Variants in DACH1 observed in about 807,000 individuals in gnomAD.
DACH1 encodes the protein dachshund homolog 1.
In DACH1, 12 loss-of-function variants were observed where a neutral mutation model predicts 54.2. The observed-to-expected ratio is 0.22, with a 90% CI of 0.14 to 0.36. The LOEUF (loss-of-function observed/expected upper bound fraction) is 0.36. Among genes scored for constraint, DACH1 ranks in the 10% least tolerant of loss-of-function variants. The pLI, the probability that DACH1 is intolerant of heterozygous loss-of-function variation, is 1.00. For missense variants in DACH1, 805 were observed against 929.8 expected, an observed-to-expected ratio of 0.87 and a Z score of 1.75; for synonymous variants, 386 against 366.2, an observed-to-expected ratio of 1.05 and a Z score of -0.62.
rs919370072 is a variant in DACH1, at chr13:71,748,934, T to C, written c.849-67024A>G. On this transcript the variant is annotated intron_variant, in intron 1 of 10. Transcript: ENST00000613252. ...TTTCTTTCTTTCTTTCTTTCTTTCT[T>C]TCTTTCTTTCTTTCTTTCTCTCTTT... 1.7e-3 allele frequency among the ~76,000 whole-genome samples: 78 copies of C among 47,030 alleles called. 1 individual carries two copies. Among genetic ancestry groups the C allele is most frequent in the African/African-American group, 3.5e-3 (73 of 20,662 alleles). The allele number at this position is 47,030 out of a possible 152,430, so 30.9% of individuals were successfully genotyped here.
At chr13:71,603,548 C>T (rs1286496882) in intron 3 of DACH1, among the ~76,000 whole-genome samples, 7 of 151,908 alleles carry the variant, frequency 4.6e-5, no homozygotes, top group African/African-American at 1.7e-4. Flanking sequence ...CACCTCTCTG[C>T]AGAGTTGTGA....
At chr13:71,452,440 T>A (rs892291244) in intron 10 of DACH1, among the ~76,000 whole-genome samples, 1 of 152,190 alleles carries the variant, frequency 6.6e-6, no homozygotes. Context: ...AATTCTTTTT[T>A]CAAACACAAA....
At chr13:71,728,348 C>T (rs1883573319) in intron 1 of DACH1, among the ~76,000 whole-genome samples, 1 of 151,926 alleles carries the variant, frequency 6.6e-6, no homozygotes, top group South Asian at 2.1e-4. Context: ...CAAATTAAAA[C>T]CTTAACATCT....
At chr13:71,837,543 C>G (rs954561459) in intron 1 of DACH1, among the ~76,000 whole-genome samples, 1 of 152,012 alleles carries the variant, frequency 6.6e-6, no homozygotes, top group African/African-American at 2.4e-5. Flanking sequence ...TTGGTAAACC[C>G]TGAAAATTAA....
At chr13:71,738,981 G>A (rs1416363276) in intron 1 of DACH1, among the ~76,000 whole-genome samples, 3 of 151,918 alleles carry the variant, frequency 2.0e-5, no homozygotes, top group African/African-American at 4.8e-5. Context: ...AGCCAGGCAC[G>A]GTGGCTTACT....
intron 7 of DACH1, among the ~76,000 whole-genome samples, chr13:71,482,130 T>A (rs1480380592): frequency 7.2e-5 from 11 of 152,202 alleles, no homozygotes; most frequent in Non-Finnish European, 1.6e-4. Flanking sequence ...GACCCCAAAT[T>A]TTTTTTCTGA....
intron 1 of DACH1, among the ~76,000 whole-genome samples, chr13:71,783,289 T>C (rs538326618): frequency 6.6e-6 from 1 of 152,298 alleles, no homozygotes; most frequent in East Asian, 1.9e-4. Flanking sequence ...GAAAACTGGC[T>C]AATCACTATC....
intron 1 of DACH1, among the ~76,000 whole-genome samples, chr13:71,717,436 T>C (rs1008660855): frequency 1.3e-5 from 2 of 151,790 alleles, no homozygotes; most frequent in Non-Finnish European, 2.9e-5. Context: ...TAGCAGTTCA[T>C]GCCTCATTGA....
intron 1 of DACH1, among the ~76,000 whole-genome samples, chr13:71,699,988 C>A (rs575302256): frequency 6.6e-6 from 1 of 152,130 alleles, no homozygotes; most frequent in Admixed American, 6.5e-5. Flanking sequence ...GTTAATTACA[C>A]GTTTTAATTT....
At chr13:71,748,900 C>T (rs71451475) in intron 1 of DACH1, among the ~76,000 whole-genome samples, 339 of 21,952 alleles carry the variant, frequency 0.015, no homozygotes, top group Middle Eastern at 0.033. Flanking sequence ...CTTTCTTTCT[C>T]TTTCTTTCTT....
intron 1 of DACH1, among the ~76,000 whole-genome samples, chr13:71,828,095 C>T (rs964907160): frequency 5.9e-5 from 9 of 151,944 alleles, no homozygotes; most frequent in African/African-American, 2.2e-4. Context: ...AATTGATTGC[C>T]TTTAATGCTA....
At chr13:71,779,159 GTATATACGTA>G (rs1321008779) in intron 1 of DACH1, among the ~76,000 whole-genome samples, 3 of 72,010 alleles carry the variant, frequency 4.2e-5, no homozygotes, top group East Asian at 4.3e-4. Flanking sequence ...ACATATATAC[GTATATACGTA>G]TATATATACA....
At chr13:71,816,618 ACG>A (rs1491534453) in intron 1 of DACH1, among the ~76,000 whole-genome samples, 7 of 89,194 alleles carry the variant, frequency 7.8e-5, no homozygotes, top group South Asian at 1.0e-3. Context: ...ATATATATAC[ACG>A]TGTATATATA....
At chr13:71,643,466 C>A (rs1408343132) in intron 2 of DACH1, among the ~76,000 whole-genome samples, 4 of 152,186 alleles carry the variant, frequency 2.6e-5, no homozygotes, top group Admixed American at 6.6e-5. Flanking sequence ...CTTTAAACAG[C>A]ATTCATCTTT....
intron 1 of DACH1, among the ~76,000 whole-genome samples, chr13:71,849,015 C>A (rs761808116): frequency 3.3e-5 from 5 of 152,116 alleles, no homozygotes; most frequent in East Asian, 1.9e-4. Context: ...CTTCTTATGA[C>A]CCTACGGTGT....
At chr13:71,667,996 C>T (rs1879957408) in intron 2 of DACH1, among the ~76,000 whole-genome samples, 1 of 151,956 alleles carries the variant, frequency 6.6e-6, no homozygotes, top group Non-Finnish European at 1.5e-5. Flanking sequence ...AGGGCATTTA[C>T]TGCTTTAATA....
intron 10 of DACH1, among the ~76,000 whole-genome samples, chr13:71,442,138 A>G (rs538759082): frequency 5.3e-5 from 8 of 151,928 alleles, no homozygotes; most frequent in Non-Finnish European, 1.0e-4. Flanking sequence ...TTATTCATTC[A>G]TCCTATTTTT....
chr13:71,624,976 G>GA (rs893888154), intron 3 of DACH1, among the ~76,000 whole-genome samples: 1 of 151,720 alleles, frequency 6.6e-6, no homozygotes, highest in African/African-American at 2.4e-5. Context: ...CCCCCTCCCT[G>GA]AAAAAATTGC....
At chr13:71,681,537 T>A (rs1880893544) in intron 2 of DACH1, among the ~76,000 whole-genome samples, 1 of 152,176 alleles carries the variant, frequency 6.6e-6, no homozygotes. Flanking sequence ...GAATAATAAT[T>A]TGATGTTTGA....
Sources: allele counts gnomAD v4.1 joint callset (sites outside exome capture counted in the v4.1 genomes callset), GRCh38; gene constraint gnomAD v4.1.1; transcripts MANE v1.5; gene names NCBI Gene and HGNC (gene_info 2026-07-23, HGNC 2026-07-21).